AGPAT3: variants seen among roughly 807,000 people sequenced by gnomAD.
The protein encoded by AGPAT3 is 1-acylglycerol-3-phosphate O-acyltransferase 3.
AGPAT3 carries 5 observed loss-of-function variants against 47.3 expected under a neutral mutation model. The observed-to-expected ratio is 0.11, with a 90% CI of 0.06 to 0.22. AGPAT3 has a LOEUF of 0.22. Among genes scored for constraint, AGPAT3 ranks in the 10% least tolerant of loss-of-function variants. The probability of loss-of-function intolerance (pLI) is 1.00; values close to 1 mark genes in which losing one functional copy is unlikely to be tolerated. For missense variants in AGPAT3, 315 were observed against 493.0 expected, an observed-to-expected ratio of 0.64 and a Z score of 3.42; for synonymous variants, 212 against 208.3, an observed-to-expected ratio of 1.02 and a Z score of -0.15.
intron 2 of AGPAT3, among the ~76,000 whole-genome samples, chr21:43,959,228 ATGTGG>A (rs1295951234): frequency 4.6e-5 from 2 of 43,836 alleles, no homozygotes; most frequent in Non-Finnish European, 8.5e-5. Flanking sequence ...GGGGTTTGTG[ATGTGG>A]TGTGTGTGTG....
At chr21:43,897,489 C>T (rs2086248092) in intron 1 of AGPAT3, among the ~76,000 whole-genome samples, 1 of 151,414 alleles carries the variant, frequency 6.6e-6, no homozygotes, top group African/African-American at 2.4e-5. Context: ...CTGTTAGGCA[C>T]ACCTGCAGAA....
Position 43,880,817 on chromosome 21 carries a change from G to A in AGPAT3, c.-112+15472G>A, listed in dbSNP as rs1779643701. Among the ~76,000 whole-genome samples the A allele has an allele frequency of 1.3e-5, 2 of 152,196 alleles. No homozygotes were observed. The highest frequency in any genetic ancestry group is 2.9e-5 in the Non-Finnish European group (2 of 68,044). On this transcript the variant is annotated intron_variant, in intron 1 of 9. Coordinates refer to ENST00000291572, the MANE Select transcript of AGPAT3 (RefSeq NM_020132.5). This position sits in a 1 kb window ranked among gnomAD's most constrained non-coding sequence, Gnocchi z 4.5. ...GGCAGGCGGCTTATTGCTGAGTGAT[G>A]GTCCCTGGACATTTCCAGTCGACTG... is the stretch of plus-strand genomic sequence containing the variant.
In AGPAT3 at chr21:43,985,040, C is replaced by T. The variant is rs1451000477; in HGVS notation, c.*2648C>T. 3 of 448,214 alleles carry T rather than the reference C, an allele frequency of 6.7e-6. No homozygotes were observed. Among genetic ancestry groups the T allele is most frequent in the East Asian group, 1.4e-4 (2 of 14,262 alleles). 27.8% of individuals were successfully genotyped at this position (448,214 alleles called of 1,614,324 possible). A position where few individuals can be genotyped will look rare whatever the true frequency, so the allele number is the denominator to read the frequency against. ...CTGTTACCCACCCAGAGCCAGGCGC[C>T]ACACTGGAGGCTCCCAGGCGGGAGG... On this transcript the variant is annotated 3_prime_UTR_variant, in exon 10 of 10. Transcript: ENST00000291572.
At chr21:43,948,826 A>G (rs2146458900) in intron 2 of AGPAT3, among the ~76,000 whole-genome samples, 1 of 152,324 alleles carries the variant, frequency 6.6e-6, no homozygotes, top group East Asian at 1.9e-4. Flanking sequence ...TGTGTTGTTG[A>G]CGAACGTGTA....
rs909982307 is a variant in AGPAT3, at chr21:43,932,638, C to T, written c.-48-26996C>T. Reference sequence around the variant, plus strand: ...GATACATACCCAGAAGTGGGATTGCCGGACCTTATGGTAGTTCCTTTTGTT... The same window carrying T: ...GATACATACCCAGAAGTGGGATTGCTGGACCTTATGGTAGTTCCTTTTGTT... On this transcript the variant is annotated intron_variant, in intron 2 of 9. Transcript: ENST00000291572. The surrounding 1 kb of genome is among the most constrained non-coding windows in gnomAD (Gnocchi z 5.2). Among the ~76,000 whole-genome samples, 1 of 152,002 alleles carries T rather than the reference C, an allele frequency of 6.6e-6. No individual in the cohort carries two copies. The highest frequency in any genetic ancestry group is 2.4e-5 in the African/African-American group (1 of 41,304).
chr21:43,920,530 G>A lies in AGPAT3; in HGVS notation c.-49+16511G>A, dbSNP rs1453035238. 6.6e-6 allele frequency among the ~76,000 whole-genome samples: 1 copy of A among 152,148 alleles called. No individual in the cohort carries two copies. Among genetic ancestry groups the A allele is most frequent in the East Asian group, 1.9e-4 (1 of 5,192 alleles). On this transcript the variant is annotated intron_variant, in intron 2 of 9. Coordinates refer to ENST00000291572, the MANE Select transcript of AGPAT3 (RefSeq NM_020132.5). This position sits in a 1 kb window ranked among gnomAD's most constrained non-coding sequence, Gnocchi z 6.1. ...AGGACAGCCTCCTGGGGGACTGGTT[G>A]CCAGGGCAACTGACCATGTAATTAG...
At chr21:43,874,981 AT>A (rs1245570048) in intron 1 of AGPAT3, among the ~76,000 whole-genome samples, 1 of 151,844 alleles carries the variant, frequency 6.6e-6, no homozygotes, top group East Asian at 1.9e-4. Context: ...CCATATATGT[AT>A]TTTTTTCTTT....
intron 1 of AGPAT3, among the ~76,000 whole-genome samples, chr21:43,883,972 C>T (rs902708128): frequency 1.3e-5 from 2 of 152,120 alleles, no homozygotes; most frequent in Non-Finnish European, 2.9e-5. Flanking sequence ...TCAAGTAATC[C>T]GCTTGCCTCA....
At chr21:43,898,329 A>G (rs900047880) in intron 1 of AGPAT3, among the ~76,000 whole-genome samples, 5 of 151,998 alleles carry the variant, frequency 3.3e-5, no homozygotes, top group Non-Finnish European at 5.9e-5. Context: ...TGAGTCAACT[A>G]TTGATCCTTT....
intron 2 of AGPAT3, among the ~76,000 whole-genome samples, chr21:43,918,672 C>T (rs1054706065): frequency 1.3e-5 from 2 of 151,650 alleles, no homozygotes; most frequent in African/African-American, 2.4e-5. Context: ...CCGCAATCTC[C>T]GTCTCCCGGG....
At chr21:43,979,082 G>A (rs967023285) in intron 8 of AGPAT3, among the ~76,000 whole-genome samples, 1 of 152,100 alleles carries the variant, frequency 6.6e-6, no homozygotes, top group Non-Finnish European at 1.5e-5. Flanking sequence ...CAGATCACCT[G>A]AGGTCAGGAG....
chr21:43,897,683 C>A (rs2086257580), intron 1 of AGPAT3, among the ~76,000 whole-genome samples: 1 of 151,664 alleles, frequency 6.6e-6, no homozygotes, highest in Non-Finnish European at 1.5e-5. Flanking sequence ...AGAGGGGCTC[C>A]TCCCATCCCA....
intron 8 of AGPAT3, among the ~76,000 whole-genome samples, chr21:43,980,599 A>C (rs909426788): frequency 6.6e-6 from 1 of 152,236 alleles, no homozygotes; most frequent in Admixed American, 6.5e-5. Context: ...AGGGATTTGC[A>C]TCCAGGCCGC....
At chr21:43,921,076 G>T (rs1285975303) in intron 2 of AGPAT3, among the ~76,000 whole-genome samples, 2 of 152,184 alleles carry the variant, frequency 1.3e-5, no homozygotes, top group Non-Finnish European at 2.9e-5. Context: ...TCGGGCCACT[G>T]CATTCCAGCC....
At chr21:43,883,178 G>A (rs1047389359) in intron 1 of AGPAT3, among the ~76,000 whole-genome samples, 2 of 152,284 alleles carry the variant, frequency 1.3e-5, no homozygotes, top group East Asian at 1.9e-4. Context: ...ACTCCACTGC[G>A]CATGCTCTGT....
intron 8 of AGPAT3, among the ~76,000 whole-genome samples, chr21:43,979,336 A>AAAG (rs2089756733): frequency 2.4e-5 from 2 of 81,774 alleles, no homozygotes; most frequent in African/African-American, 4.3e-5. Flanking sequence ...AAAAAGAAAG[A>AAAG]AAAAAAAAAA....
chr21:43,889,761 A>G (rs2086061803), intron 1 of AGPAT3, among the ~76,000 whole-genome samples: 2 of 152,238 alleles, frequency 1.3e-5, no homozygotes, highest in Admixed American at 1.3e-4. Flanking sequence ...AACAGTGTGC[A>G]TGCCTTAATT....
chr21:43,917,624 GC>G (rs1163318683), intron 2 of AGPAT3, among the ~76,000 whole-genome samples: 2 of 152,094 alleles, frequency 1.3e-5, no homozygotes, highest in Middle Eastern at 3.2e-3. Flanking sequence ...GTACCACTTT[GC>G]TTTTGGAGCA....
At chr21:43,967,913 C>G in intron 3 of AGPAT3, 33 bp from the exon 4 acceptor site, 1 of 1,604,676 alleles carries the variant, frequency 6.2e-7, no homozygotes, top group African/African-American at 1.3e-5. Context: ...AGGAGGGGTC[C>G]TACCAGTGCC....
Sources: gnomAD v4.1 joint callset for allele counts (sites outside exome capture counted in the v4.1 genomes callset) on GRCh38, gnomAD v4.1.1 for gene constraint, Gnocchi (gnomAD v3.1) non-coding constraint, MANE v1.5 for transcripts, NCBI Gene and HGNC (gene_info 2026-07-23, HGNC 2026-07-21) for gene names.